The following CFAP57 variants were observed in gnomAD, a reference collection of about 807,000 sequenced individuals.
The protein encoded by CFAP57 is cilia and flagella associated protein 57, also known as cilia- and flagella-associated protein 57.
In CFAP57, 116 loss-of-function variants were observed where a neutral mutation model predicts 146.8. The observed-to-expected ratio is 0.79, with a 90% CI of 0.68 to 0.92. CFAP57 has a LOEUF of 0.92. Among genes scored for constraint, CFAP57 ranks in the 40% least tolerant of loss-of-function variants. The probability of loss-of-function intolerance (pLI) is 0.00; values close to 1 mark genes in which losing one functional copy is unlikely to be tolerated. For synonymous variants in CFAP57, 518 were observed against 552.8 expected (o/e 0.94, Z 0.88); for missense variants, 1,377 against 1,527.2 (o/e 0.90, Z 1.64).
intron 16 of CFAP57, among the ~76,000 whole-genome samples, chr1:43,223,688 G>A: frequency 6.6e-6 from 1 of 152,168 alleles, no homozygotes; most frequent in Admixed American, 6.5e-5. Context: ...CACTTTCTGT[G>A]ACCTTGATGC....
At chr1:43,188,305 G>A (rs188906572) in intron 6 of CFAP57, among the ~76,000 whole-genome samples, 1 of 152,242 alleles carries the variant, frequency 6.6e-6, no homozygotes, top group African/African-American at 2.4e-5. Context: ...TCCTAGAAGT[G>A]GAATTGCTGA....
At chr1:43,223,031 G>T in intron 16 of CFAP57, 34 bp downstream of exon 16, 2 of 1,526,488 alleles carry the variant, frequency 1.3e-6, no homozygotes, top group Non-Finnish European at 1.8e-6. Flanking sequence ...CCTAGGGTGG[G>T]CGAGGGTGTT....
intron 2 of CFAP57, chr1:43,177,208 T>A (rs1338175711): frequency 2.2e-6 from 1 of 456,272 alleles, no homozygotes; most frequent in Admixed American, 2.3e-5. Context: ...TTGCTGTAAT[T>A]CAGGTGAGAG....
At chr1:43,206,684 T>C (rs776872947) in intron 9 of CFAP57, 36 bp from the exon 10 acceptor site, 8 of 1,604,174 alleles carry the variant, frequency 5.0e-6, no homozygotes, top group Non-Finnish European at 6.0e-6. Context: ...TAAGTGTGTG[T>C]ACACTCTTCA....
intron 3 of CFAP57, among the ~76,000 whole-genome samples, chr1:43,182,786 A>T (rs1645467623): frequency 6.6e-6 from 1 of 152,230 alleles, no homozygotes; most frequent in Non-Finnish European, 1.5e-5. Flanking sequence ...TGATGAATCC[A>T]GCACTGGGAA....
At chr1:43,194,410 G>A (rs1165907542) in intron 6 of CFAP57, among the ~76,000 whole-genome samples, 4 of 152,134 alleles carry the variant, frequency 2.6e-5, no homozygotes, top group Non-Finnish European at 5.9e-5. Flanking sequence ...TTGCCAAAAT[G>A]TGTCTGTTTG....
At chr1:43,186,559 T>G in intron 5 of CFAP57, 148 bp from the exon 6 acceptor site, 40 of 762,308 alleles carry the variant, frequency 5.2e-5, no homozygotes, top group Non-Finnish European at 6.8e-5. Context: ...TGCAGTGAGC[T>G]GAGATAGTGC....
Position 43,226,971 on chromosome 1 carries a change from T to C in CFAP57, c.2866-12T>C. ...TACAATATCTCTCACTTCTCTCTCATCTCACCCCCAGGAGAAGCGAATTTA... is the reference window on the plus strand; with the variant it reads ...TACAATATCTCTCACTTCTCTCTCACCTCACCCCCAGGAGAAGCGAATTTA... On this transcript the variant is annotated splice_polypyrimidine_tract_variant and intron_variant, in intron 17 of 22. Transcript: ENST00000372492. 1 of 1,496,232 alleles carries C rather than the reference T, an allele frequency of 6.7e-7. No individual in the cohort carries two copies. The highest frequency in any genetic ancestry group is 8.9e-7 in the Non-Finnish European group (1 of 1,123,286). The allele number at this position is 1,496,232 out of a possible 1,614,324, so 92.7% of individuals were successfully genotyped here.
chr1:43,199,265 C>A, intron 8 of CFAP57, 125 bp from the exon 9 acceptor site: 3 of 879,164 alleles, frequency 3.4e-6, no homozygotes, highest in Non-Finnish European at 5.8e-6. Flanking sequence ...TTGCACCTTC[C>A]CCCCACTCCC....
intron 6 of CFAP57, among the ~76,000 whole-genome samples, chr1:43,187,890 A>AC (rs1643250619): frequency 6.6e-6 from 1 of 151,800 alleles, no homozygotes; most frequent in South Asian, 2.1e-4. Context: ...TGCAGCCTTG[A>AC]CCTCCTGGGC....
Position 43,198,656 on chromosome 1 carries a change from A to T in CFAP57, c.1428+10A>T, listed in dbSNP as rs1362073908. 6.2e-7 allele frequency: 1 copy of T among 1,613,728 alleles called. No homozygotes were observed. The highest frequency in any genetic ancestry group is 2.2e-5 in the East Asian group (1 of 44,864). On this transcript the variant is annotated intron_variant, in intron 8 of 22. Coordinates refer to ENST00000372492, the MANE Select transcript of CFAP57 (RefSeq NM_001378189.1). ...TAGAGGATGCGGAGAGGTAAAAAAAAAACTGCTGAAGACAAAAGTCCAGTT... is the reference window on the plus strand; with the variant it reads ...TAGAGGATGCGGAGAGGTAAAAAAATAACTGCTGAAGACAAAAGTCCAGTT...
intron 12 of CFAP57, 40 bp downstream of exon 12, chr1:43,215,456 T>C: frequency 6.5e-7 from 1 of 1,536,462 alleles, no homozygotes; most frequent in Non-Finnish European, 8.8e-7. Flanking sequence ...TGGAATTACT[T>C]ACCAGACTGC....
At chr1:43,243,486 T>A (rs1193871003) in intron 22 of CFAP57, 127 bp downstream of exon 22, 6 of 1,024,628 alleles carry the variant, frequency 5.9e-6, no homozygotes, top group Middle Eastern at 3.3e-4. Flanking sequence ...TGGGATCCTG[T>A]CCGGGGCACA....
intron 17 of CFAP57, among the ~76,000 whole-genome samples, chr1:43,225,112 G>C (rs1165821156): frequency 6.6e-6 from 1 of 151,948 alleles, no homozygotes; most frequent in Non-Finnish European, 1.5e-5. Flanking sequence ...CCAAAGCTCT[G>C]TTCAGATTCT....
In CFAP57 at chr1:43,176,702, A is replaced by G. The variant is rs553558288; in HGVS notation, c.157+3792A>G. ...AACAAAATAAAAAGAAGTACAGTCT[A>G]CATGCTAGATAGTGATAGATGCTAA... On this transcript the variant is annotated intron_variant, in intron 2 of 22. Transcript: ENST00000372492. 2.0e-4 allele frequency among the ~76,000 whole-genome samples: 31 copies of G among 152,340 alleles called. 1 individual carries two copies. In the South Asian group the frequency reaches 6.0e-3, roughly 30 times the overall value.
chr1:43,182,262 G>A (rs1355587913), intron 3 of CFAP57, among the ~76,000 whole-genome samples: 1 of 152,216 alleles, frequency 6.6e-6, no homozygotes, highest in Non-Finnish European at 1.5e-5. Flanking sequence ...AACATGGTAG[G>A]TCTTTAGGAA....
rs772624237 is a variant in CFAP57 at position 43,186,629 on chromosome 1, A to G, written c.970-78A>G. 418 of 1,285,642 alleles carry G rather than the reference A, an allele frequency of 3.3e-4. 3 individuals are homozygous for G. The highest frequency in any genetic ancestry group is 7.7e-4 in the Middle Eastern group (4 of 5,218). 79.6% of individuals were successfully genotyped at this position (1,285,642 alleles called of 1,614,324 possible). ...CCGTCTCAAAAAAAAAAAAAAAAAAAAAAAGAAAACTCTGAAAGCCTAAGG... is the reference window on the plus strand; with the variant it reads ...CCGTCTCAAAAAAAAAAAAAAAAAAGAAAAGAAAACTCTGAAAGCCTAAGG... On this transcript the variant is annotated intron_variant, in intron 5 of 22. Coordinates refer to ENST00000372492, the MANE Select transcript of CFAP57 (RefSeq NM_001378189.1).
At chr1:43,224,270 CA>C (rs1273106196) in intron 17 of CFAP57, 66 bp downstream of exon 17, 118 of 1,450,286 alleles carry the variant, frequency 8.1e-5, no homozygotes, top group Non-Finnish European at 1.0e-4. Context: ...AGGCAAAGCT[CA>C]GGGGAGAGAG....
intron 6 of CFAP57, among the ~76,000 whole-genome samples, chr1:43,193,635 C>T (rs1022944520): frequency 6.6e-6 from 1 of 151,980 alleles, no homozygotes; most frequent in Non-Finnish European, 1.5e-5. Context: ...TAGCTACCTT[C>T]CCTTTCCCCT....
Sources: allele counts gnomAD v4.1 joint callset (sites outside exome capture counted in the v4.1 genomes callset), GRCh38; gene constraint gnomAD v4.1.1; transcripts MANE v1.5; gene names NCBI Gene and HGNC (gene_info 2026-07-23, HGNC 2026-07-21).